Variants in GPC6 observed in about 807,000 individuals in gnomAD.
GPC6 encodes glypican-6.
Under a neutral mutation model 55.2 loss-of-function variants are expected in GPC6, and 14 were observed. The ratio of observed to expected loss-of-function variants is 0.25; its 90% confidence interval spans 0.17 to 0.40. GPC6 has a LOEUF of 0.40. GPC6 is among the 10% of genes least tolerant of loss of function. GPC6 has a pLI of 1.00. For missense variants in GPC6, 641 were observed against 708.5 expected (o/e 0.90, Z 1.08); for synonymous variants, 278 against 259.6 (o/e 1.07, Z -0.68).
intron 1 of GPC6, among the ~76,000 whole-genome samples, chr13:93,237,447 A>G (rs1402081600): frequency 1.3e-5 from 2 of 151,914 alleles, no homozygotes; most frequent in African/African-American, 2.4e-5. Flanking sequence ...CTTGTTTGAG[A>G]TCCTTGTAGA....
chr13:93,456,701 C>T lies in GPC6; in HGVS notation c.161-88562C>T, dbSNP rs1054923810. ...GATAATATATGGAAAAGAATAGAGA[C>T]GTAAGGAATAAGGAATAAGGGTGTC... On this transcript the variant is annotated intron_variant, in intron 1 of 8. Coordinates refer to ENST00000377047, the MANE Select transcript of GPC6 (RefSeq NM_005708.5). Among the ~76,000 whole-genome samples the T allele has an allele frequency of 4.6e-5, 7 of 151,950 alleles. No homozygotes were observed. The East Asian group carries it at 1.2e-3, about 25-fold the overall frequency.
Position 94,267,451 on chromosome 13 carries a change from A to G in GPC6, c.878-18898A>G, listed in dbSNP as rs369823582. 3.0e-4 allele frequency among the ~76,000 whole-genome samples: 45 copies of G among 152,306 alleles called. No homozygotes were observed. The South Asian group carries it at 8.7e-3, about 29-fold the overall frequency. ...TATGTGAAGGAAAATAGATGGATGT[A>G]TAATATGCAAGCAGTAGACACATCT... On this transcript the variant is annotated intron_variant, in intron 4 of 8. Coordinates refer to ENST00000377047, the MANE Select transcript of GPC6 (RefSeq NM_005708.5).
intron 4 of GPC6, among the ~76,000 whole-genome samples, chr13:94,253,532 A>G (rs924076717): frequency 6.6e-6 from 1 of 152,154 alleles, no homozygotes; most frequent in Non-Finnish European, 1.5e-5. Context: ...AAAATAACAG[A>G]CTAAAGAGGC....
At chr13:94,127,081 G>A (rs1350410025) in intron 4 of GPC6, among the ~76,000 whole-genome samples, 1 of 151,880 alleles carries the variant, frequency 6.6e-6, no homozygotes, top group Non-Finnish European at 1.5e-5. Context: ...CTGGGCCTAG[G>A]ATGTCACAAC....
At chr13:93,598,271 G>A (rs551946163) in intron 2 of GPC6, among the ~76,000 whole-genome samples, 57 of 152,232 alleles carry the variant, frequency 3.7e-4, no homozygotes, top group East Asian at 7.7e-4. Context: ...TTAACACATC[G>A]AGTCCAGGCT....
intron 4 of GPC6, among the ~76,000 whole-genome samples, chr13:94,222,328 T>C (rs1330233464): frequency 6.6e-6 from 1 of 152,134 alleles, no homozygotes; most frequent in Non-Finnish European, 1.5e-5. Flanking sequence ...AGGAAAATAT[T>C]TGGAGAGAAG....
rs901770781 is a variant in GPC6 at position 93,852,281 on chromosome 13, C to T, written c.711+21736C>T. Among the ~76,000 whole-genome samples the T allele has an allele frequency of 4.0e-5, 6 of 151,734 alleles. No homozygotes were observed. In the South Asian group the frequency reaches 6.2e-4, roughly 16 times the overall value. On this transcript the variant is annotated intron_variant, in intron 3 of 8. Coordinates refer to ENST00000377047, the MANE Select transcript of GPC6 (RefSeq NM_005708.5). ...AAAGTTTACAGGTATATGCACAATG[C>T]CTTTTGGAAACGCATACTTTGTAAA... is the stretch of plus-strand genomic sequence containing the variant.
intron 1 of GPC6, among the ~76,000 whole-genome samples, chr13:93,422,633 G>T (rs1876963686): frequency 6.6e-6 from 1 of 152,172 alleles, no homozygotes; most frequent in African/African-American, 2.4e-5. Context: ...ATGAGTGAAT[G>T]TATGCCAATA....
intron 2 of GPC6, among the ~76,000 whole-genome samples, chr13:93,709,487 C>A (rs1338263178): frequency 6.6e-6 from 1 of 151,706 alleles, no homozygotes; most frequent in African/African-American, 2.4e-5. Flanking sequence ...CCTTTAGCTC[C>A]ATGACTTTTG....
chr13:93,439,722 A>AAATT lies in GPC6; in HGVS notation c.161-105540_161-105539insATTA, dbSNP rs1393716956. ...AATAAAATAAAATAAAATAAAATAA[A>AAATT]ACACCAAGCTTCGGGTGTGTCTTTA... On this transcript the variant is annotated intron_variant, in intron 1 of 8. Coordinates refer to ENST00000377047, the MANE Select transcript of GPC6 (RefSeq NM_005708.5). 2.8e-3 allele frequency among the ~76,000 whole-genome samples: 415 copies of AAATT among 150,842 alleles called. 6 individuals carry two copies. The highest frequency in any genetic ancestry group is 9.7e-3 in the African/African-American group (392 of 40,374).
chr13:93,441,032 T>C (rs1877777503), intron 1 of GPC6, among the ~76,000 whole-genome samples: 1 of 152,228 alleles, frequency 6.6e-6, no homozygotes, highest in South Asian at 2.1e-4. Flanking sequence ...ACTCATCATT[T>C]TTTATGGCTG....
At chr13:93,380,420 T>A (rs1040018104) in intron 1 of GPC6, among the ~76,000 whole-genome samples, 1 of 152,186 alleles carries the variant, frequency 6.6e-6, no homozygotes, top group South Asian at 2.1e-4. Flanking sequence ...ATTGGTAAGG[T>A]CATATAAATG....
intron 2 of GPC6, among the ~76,000 whole-genome samples, chr13:93,812,140 G>A (rs538936573): frequency 1.0e-4 from 13 of 125,290 alleles, no homozygotes; most frequent in African/African-American, 3.1e-4. Context: ...AGTGCAAGGC[G>A]GTGGGGGGGG....
intron 2 of GPC6, among the ~76,000 whole-genome samples, chr13:93,630,363 C>T (rs1879378370): frequency 6.6e-6 from 1 of 152,194 alleles, no homozygotes; most frequent in Admixed American, 6.5e-5. Flanking sequence ...ACTTCTGAAA[C>T]TTCTCTAGTT....
At chr13:93,607,768 T>A (rs1878302317) in intron 2 of GPC6, among the ~76,000 whole-genome samples, 2 of 152,040 alleles carry the variant, frequency 1.3e-5, no homozygotes, top group South Asian at 4.1e-4. Flanking sequence ...GCTTCAAACT[T>A]CTTCTAAACC....
intron 4 of GPC6, among the ~76,000 whole-genome samples, chr13:94,234,951 T>C (rs761540475): frequency 2.6e-5 from 4 of 151,770 alleles, no homozygotes; most frequent in Non-Finnish European, 5.9e-5. Flanking sequence ...TGCCAGGAGG[T>C]TGGGGAAAAG....
At chr13:93,566,102 C>T (rs886200218) in intron 2 of GPC6, among the ~76,000 whole-genome samples, 5 of 152,156 alleles carry the variant, frequency 3.3e-5, no homozygotes, top group Non-Finnish European at 7.3e-5. Context: ...CCTACCTGAA[C>T]ATAAGGCACT....
At chr13:93,247,115 A>G (rs1032298471) in intron 1 of GPC6, among the ~76,000 whole-genome samples, 1 of 152,078 alleles carries the variant, frequency 6.6e-6, no homozygotes, top group Admixed American at 6.5e-5. Context: ...CCATTCTAGT[A>G]TCTTTGCAGT....
chr13:93,444,496 A>G (rs1194069217), intron 1 of GPC6, among the ~76,000 whole-genome samples: 2 of 152,140 alleles, frequency 1.3e-5, no homozygotes, highest in African/African-American at 4.8e-5. Flanking sequence ...AGTCCCAGCT[A>G]CGCGGGAGAC....
Sources: gnomAD v4.1 joint callset for allele counts (sites outside exome capture counted in the v4.1 genomes callset) on GRCh38, gnomAD v4.1.1 for gene constraint, MANE v1.5 for transcripts, NCBI Gene and HGNC (gene_info 2026-07-23, HGNC 2026-07-21) for gene names.